Variants in SEMA5A observed in about 807,000 individuals in gnomAD.
The protein encoded by SEMA5A is semaphorin 5A.
Under a neutral mutation model 135.5 loss-of-function variants are expected in SEMA5A, and 55 were observed. The observed-to-expected ratio is 0.41, with a 90% CI of 0.33 to 0.51. SEMA5A has a LOEUF of 0.51. SEMA5A is among the 20% of genes least tolerant of loss of function. The pLI is 0.37. For synonymous variants in SEMA5A, 580 were observed against 546.5 expected (o/e 1.06, Z -0.85); for missense variants, 1,290 against 1,419.9 (o/e 0.91, Z 1.47).
At chr5:9,489,917 T>C (rs117827743) in intron 1 of SEMA5A, among the ~76,000 whole-genome samples, 1 of 152,204 alleles carries the variant, frequency 6.6e-6, no homozygotes, top group Non-Finnish European at 1.5e-5. Context: ...CACATGCCTC[T>C]AGCTCCATGC....
chr5:9,135,347 A>AT (rs1456985348), intron 13 of SEMA5A, among the ~76,000 whole-genome samples: 1 of 151,502 alleles, frequency 6.6e-6, no homozygotes, highest in Non-Finnish European at 1.5e-5. Flanking sequence ...CGCCTGGCTA[A>AT]TTTTTTGTAT....
At chr5:9,285,722 C>G (rs1166078385) in intron 5 of SEMA5A, among the ~76,000 whole-genome samples, 3 of 152,192 alleles carry the variant, frequency 2.0e-5, no homozygotes, top group Non-Finnish European at 4.4e-5. Context: ...ATCTCAGGAG[C>G]ATAGGATGGA....
chr5:9,104,532 T>C (rs1049935378), intron 16 of SEMA5A, among the ~76,000 whole-genome samples: 1 of 151,636 alleles, frequency 6.6e-6, no homozygotes, highest in African/African-American at 2.4e-5. Context: ...ATCATTTCTA[T>C]TTTATAAATG....
intron 3 of SEMA5A, among the ~76,000 whole-genome samples, chr5:9,353,769 C>T (rs1276179366): frequency 1.3e-5 from 2 of 152,000 alleles, no homozygotes; most frequent in African/African-American, 4.8e-5. Context: ...TTTGAAACTC[C>T]AGCTAATTAC....
intron 13 of SEMA5A, among the ~76,000 whole-genome samples, chr5:9,135,620 A>G (rs1217786584): frequency 1.3e-5 from 2 of 152,198 alleles, no homozygotes; most frequent in Non-Finnish European, 2.9e-5. Context: ...AACAGCAAGG[A>G]GTTCACACAC....
chr5:9,268,320 C>T (rs1009691585), intron 5 of SEMA5A, among the ~76,000 whole-genome samples: 1 of 152,066 alleles, frequency 6.6e-6, no homozygotes, highest in Non-Finnish European at 1.5e-5. Flanking sequence ...AGAGAATCAA[C>T]TTCCAAGACA....
In SEMA5A at chr5:9,497,417, G is replaced by A. The variant is rs548662001; in HGVS notation, c.-175+48167C>T. Among the ~76,000 whole-genome samples the A allele has an allele frequency of 1.1e-4, 17 of 152,272 alleles. No homozygotes were observed. In the South Asian group the frequency reaches 1.7e-3, roughly 15 times the overall value. On this transcript the variant is annotated intron_variant, in intron 1 of 22. Coordinates refer to ENST00000382496, the MANE Select transcript of SEMA5A (RefSeq NM_003966.3). Reference sequence around the variant, plus strand: ...GACACAATGGACTGGGGATAGAGACGGCTATAGTGCCGATAATGGAGAAAC... The same window carrying A: ...GACACAATGGACTGGGGATAGAGACAGCTATAGTGCCGATAATGGAGAAAC...
chr5:9,543,505 C>A (rs1738206507), intron 1 of SEMA5A, among the ~76,000 whole-genome samples: 1 of 152,162 alleles, frequency 6.6e-6, no homozygotes, highest in Non-Finnish European at 1.5e-5. Context: ...ACCCAGGAGG[C>A]CAAAGCTTTA....
intron 16 of SEMA5A, among the ~76,000 whole-genome samples, chr5:9,069,060 G>T (rs1737632343): frequency 6.6e-6 from 1 of 152,194 alleles, no homozygotes; most frequent in African/African-American, 2.4e-5. Flanking sequence ...GAGACTTGGT[G>T]CTCAGGGTTT....
intron 3 of SEMA5A, among the ~76,000 whole-genome samples, chr5:9,358,057 C>T (rs1197052104): frequency 2.6e-5 from 4 of 152,162 alleles, no homozygotes; most frequent in Non-Finnish European, 4.4e-5. Context: ...CTCTCCCCAA[C>T]ATATGTTCAG....
intron 5 of SEMA5A, among the ~76,000 whole-genome samples, chr5:9,244,725 G>GC (rs1463809158): frequency 6.6e-6 from 1 of 152,184 alleles, no homozygotes; most frequent in Non-Finnish European, 1.5e-5. Context: ...CTGCACCCAT[G>GC]CCCTTGGAAG....
intron 2 of SEMA5A, among the ~76,000 whole-genome samples, chr5:9,412,244 A>AACC (rs1757125723): frequency 6.6e-6 from 1 of 151,938 alleles, no homozygotes; most frequent in East Asian, 1.9e-4. Flanking sequence ...ATCATGGGTT[A>AACC]CAGAATACCC....
Position 9,038,731 on chromosome 5 carries a change from CT to C in SEMA5A, c.*4165del, listed in dbSNP as rs10695963. On this transcript the variant is annotated 3_prime_UTR_variant, in exon 23 of 23. Coordinates refer to ENST00000382496, the MANE Select transcript of SEMA5A (RefSeq NM_003966.3). ...AGAGACCCCCCGCTAAGACTTTGTT[CT>C]TTTTTTTTTTTTTTGAGACAGGGTC... 80 of 140,512 alleles carry C rather than the reference CT, an allele frequency of 5.7e-4. No individual in the cohort carries two copies. The highest frequency in any genetic ancestry group is 7.3e-4 in the Non-Finnish European group (48 of 65,688). The allele number at this position is 140,512 out of a possible 1,614,324, so 8.7% of individuals were successfully genotyped here. A position where few individuals can be genotyped will look rare whatever the true frequency, so the allele number is the denominator to read the frequency against.
At chr5:9,376,095 T>TA (rs1223254882) in intron 3 of SEMA5A, among the ~76,000 whole-genome samples, 1 of 152,132 alleles carries the variant, frequency 6.6e-6, no homozygotes, top group African/African-American at 2.4e-5. Context: ...TCCCTTCCCT[T>TA]AATGCAGTTC....
chr5:9,201,575 T>C (rs1181062329), intron 9 of SEMA5A, among the ~76,000 whole-genome samples: 2 of 152,230 alleles, frequency 1.3e-5, no homozygotes, highest in Admixed American at 6.5e-5. Flanking sequence ...CAGGCAACAC[T>C]ATTTTCATTA....
chr5:9,385,091 A>T (rs994666890), intron 2 of SEMA5A, among the ~76,000 whole-genome samples: 2 of 152,210 alleles, frequency 1.3e-5, no homozygotes, highest in Admixed American at 1.3e-4. Context: ...GGGAGACAAC[A>T]TATAAGCATT....
intron 5 of SEMA5A, among the ~76,000 whole-genome samples, chr5:9,299,840 G>A (rs1751523266): frequency 6.6e-6 from 1 of 152,140 alleles, no homozygotes; most frequent in Non-Finnish European, 1.5e-5. Context: ...CTCCTTCCCT[G>A]ATGGGGCCAG....
chr5:9,421,704 C>T (rs1382125178), intron 2 of SEMA5A, among the ~76,000 whole-genome samples: 1 of 152,154 alleles, frequency 6.6e-6, no homozygotes, highest in African/African-American at 2.4e-5. Flanking sequence ...TTTTTTCTCT[C>T]TCTCTTTTTG....
intron 11 of SEMA5A, among the ~76,000 whole-genome samples, chr5:9,189,337 C>G (rs918838383): frequency 6.6e-6 from 1 of 151,558 alleles, no homozygotes; most frequent in Admixed American, 6.6e-5. Flanking sequence ...GTTTCCTTCC[C>G]AGTGTTTCAA....
Sources: allele counts gnomAD v4.1 joint callset (sites outside exome capture counted in the v4.1 genomes callset), GRCh38; gene constraint gnomAD v4.1.1; transcripts MANE v1.5; gene names NCBI Gene and HGNC (gene_info 2026-07-23, HGNC 2026-07-21).